RXRB: variants seen among roughly 807,000 people sequenced by gnomAD.
RXRB encodes the protein retinoid X receptor beta, also known as retinoic acid receptor RXR-beta.
In RXRB, 18 loss-of-function variants were observed where a neutral mutation model predicts 52.5. That is an observed-to-expected ratio of 0.34 (90% CI 0.24 to 0.51). The LOEUF (loss-of-function observed/expected upper bound fraction) is 0.51. Ranked by LOEUF, RXRB falls within the 20% of genes least tolerant of loss-of-function variation. The pLI, the probability that RXRB is intolerant of heterozygous loss-of-function variation, is 0.97. For missense variants in RXRB, 455 were observed against 698.2 expected, an observed-to-expected ratio of 0.65 and a Z score of 3.92; for synonymous variants, 233 against 267.1, an observed-to-expected ratio of 0.87 and a Z score of 1.25.
rs151198360 is a variant in RXRB, at chr6:33,197,739, G to C, written c.820+23C>G. The C allele has an allele frequency of 7.6e-5, 123 of 1,612,134 alleles. No homozygotes were observed. Among genetic ancestry groups the C allele is most frequent in the East Asian group, 1.6e-4 (7 of 44,872 alleles). On this transcript the variant is annotated intron_variant, in intron 4 of 9. Transcript: ENST00000374680. The surrounding 1 kb of genome is among the most constrained non-coding windows in gnomAD (Gnocchi z 4.4). ...GGGAGAAGGGCATGTGGTCTAAGACGCCTGGGCAGGGCGGGTCCTTACCCT... is the reference window on the plus strand; with the variant it reads ...GGGAGAAGGGCATGTGGTCTAAGACCCCTGGGCAGGGCGGGTCCTTACCCT...
Position 33,195,878 on chromosome 6 carries a change from A to G in RXRB, c.1123+29T>C. 6.2e-7 allele frequency: 1 copy of G among 1,611,616 alleles called. No homozygotes were observed. Among genetic ancestry groups the G allele is most frequent in the Non-Finnish European group, 8.5e-7 (1 of 1,179,792 alleles). ...GAAGTCAAAGAGGGGTCAAATGTCAAGAAGTCAAAGGGATCCAAGGTCACT... is the reference window on the plus strand; with the variant it reads ...GAAGTCAAAGAGGGGTCAAATGTCAGGAAGTCAAAGGGATCCAAGGTCACT... On this transcript the variant is annotated intron_variant, in intron 6 of 9. Coordinates refer to ENST00000374680, the MANE Select transcript of RXRB (RefSeq NM_021976.5). The surrounding 1 kb of genome is among the most constrained non-coding windows in gnomAD (Gnocchi z 8.6).
rs1380465888 is a variant in RXRB at position 33,197,206 on chromosome 6, T to A, written c.820+556A>T. Among the ~76,000 whole-genome samples the A allele has an allele frequency of 6.6e-6, 1 of 152,244 alleles. No individual in the cohort carries two copies. The highest frequency in any genetic ancestry group is 2.4e-5 in the African/African-American group (1 of 41,468). On this transcript the variant is annotated intron_variant, in intron 4 of 9. Coordinates refer to ENST00000374680, the MANE Select transcript of RXRB (RefSeq NM_021976.5). This position sits in a 1 kb window ranked among gnomAD's most constrained non-coding sequence, Gnocchi z 4.4. ...CCCAAACCTGCCTGCCACTCCTTTG[T>A]TGCATGACCTTGGGAAAGCCAAGCC...
Position 33,195,669 on chromosome 6 carries a change from T to G in RXRB, c.1157A>C (p.His386Pro). The change falls in exon 7 of 10, where the codon CAC (histidine) becomes CCC (proline). Residue 386 changes from histidine (H) to proline (P), a missense_variant. Around this residue, in one of 4 missense-constraint regions of RXRB, gnomAD observed 115 missense variants for 253.1 expected, o/e 0.45. Coordinates refer to ENST00000374680, the MANE Select transcript of RXRB (RefSeq NM_021976.5). The surrounding 1 kb of genome is among the most constrained non-coding windows in gnomAD (Gnocchi z 8.6). ...GCCATCTCGAACATCAATGGATCGG[T>G]GTGAGAAGGAGGCAATGAGGAGTTC... ...WNELLIASFS[H>P]RSIDVRDGIL... The G allele has an allele frequency of 6.2e-7, 1 of 1,612,660 alleles. No homozygotes were observed. The highest frequency in any genetic ancestry group is 8.5e-7 in the Non-Finnish European group (1 of 1,179,946).
Position 33,195,861 on chromosome 6 carries a change from A to C in RXRB, c.1123+46T>G. The C allele has an allele frequency of 6.9e-7, 1 of 1,447,150 alleles. No homozygotes were observed. Among genetic ancestry groups the C allele is most frequent in the Non-Finnish European group, 9.4e-7 (1 of 1,068,226 alleles). 89.6% of individuals were successfully genotyped at this position (1,447,150 alleles called of 1,614,324 possible). ...GGGTCACTAAAGATCGGGAAGTCAAAGAGGGGTCAAATGTCAAGAAGTCAA... is the reference window on the plus strand; with the variant it reads ...GGGTCACTAAAGATCGGGAAGTCAACGAGGGGTCAAATGTCAAGAAGTCAA... On this transcript the variant is annotated intron_variant, in intron 6 of 9. Coordinates refer to ENST00000374680, the MANE Select transcript of RXRB (RefSeq NM_021976.5). The surrounding 1 kb of genome is among the most constrained non-coding windows in gnomAD (Gnocchi z 8.6).
chr6:33,196,546 C>T lies in RXRB; in HGVS notation c.881G>A (p.Gly294Glu). 6.2e-7 allele frequency: 1 copy of T among 1,610,822 alleles called. No individual in the cohort carries two copies. Among genetic ancestry groups the T allele is most frequent in the Non-Finnish European group, 8.5e-7 (1 of 1,178,054 alleles). ...DKDGDGEGAGGAPEEMPVDRI... is the reference protein window; with the variant it reads ...DKDGDGEGAGEAPEEMPVDRI... ...GTCCACAGGCATCTCCTCGGGGGCT[C>T]CCCCAGCCCCCTCCCCATCCCCATC... is the stretch of plus-strand genomic sequence containing the variant. Residue 294 changes from glycine (G) to glutamate (E), a missense_variant, in exon 5 of 10, where the codon GGA becomes GAA. This residue lies in a region of RXRB where 100 missense variants were observed against 141.9 expected (regional missense o/e 0.70). Coordinates refer to ENST00000374680, the MANE Select transcript of RXRB (RefSeq NM_021976.5). The surrounding 1 kb of genome is among the most constrained non-coding windows in gnomAD (Gnocchi z 4.0).
In RXRB at chr6:33,200,310, C is replaced by T. The variant is rs773182095; in HGVS notation, c.167G>A (p.Gly56Glu). 5.0e-6 allele frequency: 8 copies of T among 1,593,568 alleles called. No individual in the cohort carries two copies. The Admixed American group carries it at 1.2e-4, about 24-fold the overall frequency. Reference sequence around the variant, plus strand: ...CTCCGGCTCCGGGGTTTGTTGTTCTCCGCCTGCCACCGCCGCCGCCGCCGC... The same window carrying T: ...CTCCGGCTCCGGGGTTTGTTGTTCTTCGCCTGCCACCGCCGCCGCCGCCGC... ...AAAAAAAVAGGEQQTPEPEPG... is the reference protein window; with the variant it reads ...AAAAAAAVAGEEQQTPEPEPG... Residue 56 changes from glycine to glutamate, a missense_variant, in exon 1 of 10, where the codon GGA (glycine) becomes GAA (glutamate). Gly to Glu is a moderately conservative substitution (Grantham distance 98). Coordinates refer to ENST00000374680, the MANE Select transcript of RXRB (RefSeq NM_021976.5). This position sits in a 1 kb window ranked among gnomAD's most constrained non-coding sequence, Gnocchi z 6.3.
rs781073340 is a variant in RXRB at position 33,194,681 on chromosome 6, C to T, written c.*1G>A. The T allele has an allele frequency of 1.2e-6, 2 of 1,612,436 alleles. No individual in the cohort carries two copies. Among genetic ancestry groups the T allele is most frequent in the African/African-American group, 1.3e-5 (1 of 74,942 alleles). On this transcript the variant is annotated 3_prime_UTR_variant, in exon 10 of 10. Transcript: ENST00000374680. The surrounding 1 kb of genome is among the most constrained non-coding windows in gnomAD (Gnocchi z 4.1). ...GAGAAGCACCACGTCTGGGTCTGAG[C>T]TCAGGCCAGTTGATGGGGAGCCTCA... is the stretch of plus-strand genomic sequence containing the variant.
intron 3 of RXRB, 110 bp downstream of exon 3, chr6:33,198,198 G>A: frequency 6.8e-7 from 1 of 1,478,440 alleles, no homozygotes; most frequent in South Asian, 1.1e-5. Context: ...CTCCCATCAG[G>A]CCTCCCCCAG....
In RXRB at chr6:33,200,333, C is replaced by G; in HGVS notation, c.144G>C (p.Ala48=). The G allele has an allele frequency of 6.3e-7, 1 of 1,586,488 alleles. No individual in the cohort carries two copies. Residue 48 remains alanine (A), a synonymous_variant, in exon 1 of 10, where the codon GCG becomes GCC. Coordinates refer to ENST00000374680, the MANE Select transcript of RXRB (RefSeq NM_021976.5). This position sits in a 1 kb window ranked among gnomAD's most constrained non-coding sequence, Gnocchi z 6.3. ...CTCCGCCTGCCACCGCCGCCGCCGC[C>G]GCCGCTGCGGGATCCAGCCAGGGCC... The part of the protein sequence containing the change: ...RRRPWLDPAA[A]AAAAVAGGEQ...
chr6:33,196,534 T>C lies in RXRB; in HGVS notation c.893A>G (p.Glu298Gly). The change falls in exon 5 of 10, where the codon GAG becomes GGG. Residue 298 changes from glutamate to glycine, a missense_variant. By Grantham distance (98) the Glu-to-Gly change is moderately conservative. This residue lies in a region of RXRB where 100 missense variants were observed against 141.9 expected (regional missense o/e 0.70). Transcript: ENST00000374680. The surrounding 1 kb of genome is among the most constrained non-coding windows in gnomAD (Gnocchi z 4.0). Reference protein sequence around the residue: ...DGEGAGGAPEEMPVDRILEAE... With the variant: ...DGEGAGGAPEGMPVDRILEAE... Reference sequence around the variant, plus strand: ...CTCCAGGATCCTGTCCACAGGCATCTCCTCGGGGGCTCCCCCAGCCCCCTC... The same window carrying C: ...CTCCAGGATCCTGTCCACAGGCATCCCCTCGGGGGCTCCCCCAGCCCCCTC... 6.2e-7 allele frequency: 1 copy of C among 1,612,916 alleles called. No individual in the cohort carries two copies. Among genetic ancestry groups the C allele is most frequent in the Non-Finnish European group, 8.5e-7 (1 of 1,179,900 alleles).
At position 33,196,662 on chromosome 6, in the gene RXRB, G is replaced by A. The variant is rs1408169304; in HGVS notation, c.821-56C>T. The A allele has an allele frequency of 1.4e-6, 2 of 1,462,920 alleles. No homozygotes were observed. The highest frequency in any genetic ancestry group is 1.9e-6 in the Non-Finnish European group (2 of 1,074,646). 90.6% of individuals were successfully genotyped at this position (1,462,920 alleles called of 1,614,324 possible). A position where few individuals can be genotyped will look rare whatever the true frequency, so the allele number is the denominator to read the frequency against. ...AAAGTCAGCAGCCAGCCATGAAGGGGTTCCACAAATATCCTTACGGCCTCA... is the reference window on the plus strand; with the variant it reads ...AAAGTCAGCAGCCAGCCATGAAGGGATTCCACAAATATCCTTACGGCCTCA... On this transcript the variant is annotated intron_variant, in intron 4 of 9. Coordinates refer to ENST00000374680, the MANE Select transcript of RXRB (RefSeq NM_021976.5). The surrounding 1 kb of genome is among the most constrained non-coding windows in gnomAD (Gnocchi z 4.0).
intron 1 of RXRB, chr6:33,199,747 A>G (rs1672430735): frequency 2.4e-6 from 1 of 423,052 alleles, no homozygotes; most frequent in South Asian, 2.1e-5. Context: ...GGGAGTTGAC[A>G]AGGAGAGGAG....
At chr6:33,198,054 CAG>C (rs1774055348) in intron 3 of RXRB, 113 bp from the exon 4 acceptor site, 2 of 1,211,588 alleles carry the variant, frequency 1.7e-6, no homozygotes, top group South Asian at 1.4e-5. Flanking sequence ...TTGCCAAATA[CAG>C]AGATAGGGAA....
rs758490966 is a variant in RXRB at position 33,196,310 on chromosome 6, C to T, written c.993+124G>A. On this transcript the variant is annotated intron_variant, in intron 5 of 9. Coordinates refer to ENST00000374680, the MANE Select transcript of RXRB (RefSeq NM_021976.5). This position sits in a 1 kb window ranked among gnomAD's most constrained non-coding sequence, Gnocchi z 4.0. ...TTTGAAAGACCTTGTTTGGCAGCACCTCCAGTCCCAAGTAGTGTTAGGAAG... is the reference window on the plus strand; with the variant it reads ...TTTGAAAGACCTTGTTTGGCAGCACTTCCAGTCCCAAGTAGTGTTAGGAAG... 2 of 1,118,978 alleles carry T rather than the reference C, an allele frequency of 1.8e-6. No individual in the cohort carries two copies. Among genetic ancestry groups the T allele is most frequent in the South Asian group, 1.2e-5 (1 of 81,236 alleles). 69.3% of individuals were successfully genotyped at this position (1,118,978 alleles called of 1,614,324 possible). A position where few individuals can be genotyped will look rare whatever the true frequency, so the allele number is the denominator to read the frequency against.
At position 33,200,647 on chromosome 6, in the gene RXRB, C is replaced by T; in HGVS notation, c.-171G>A. The T allele has an allele frequency of 1.3e-6, 2 of 1,521,308 alleles. No homozygotes were observed. Among genetic ancestry groups the T allele is most frequent in the South Asian group, 2.5e-5 (2 of 80,034 alleles). The allele number at this position is 1,521,308 out of a possible 1,614,324, so 94.2% of individuals were successfully genotyped here. On this transcript the variant is annotated 5_prime_UTR_variant, in exon 1 of 10. Coordinates refer to ENST00000374680, the MANE Select transcript of RXRB (RefSeq NM_021976.5). The surrounding 1 kb of genome is among the most constrained non-coding windows in gnomAD (Gnocchi z 6.3). ...CAAAATGACAGCGCCAATGTGGCAG[C>T]CATCTTTGTACAGACGGGAAGTCTC...
chr6:33,194,467 C>T lies in RXRB; in HGVS notation c.*215G>A, dbSNP rs938910945. ...GACAAATTCAGAGACTCAAGGCCAC[C>T]GAAGAGAGACAACCAGTCCTCACAG... On this transcript the variant is annotated 3_prime_UTR_variant, in exon 10 of 10. Coordinates refer to ENST00000374680, the MANE Select transcript of RXRB (RefSeq NM_021976.5). This position sits in a 1 kb window ranked among gnomAD's most constrained non-coding sequence, Gnocchi z 4.1. 1.3e-5 allele frequency: 7 copies of T among 531,014 alleles called. No individual in the cohort carries two copies. Among genetic ancestry groups the T allele is most frequent in the South Asian group, 3.1e-5 (1 of 32,172 alleles). 32.9% of individuals were successfully genotyped at this position (531,014 alleles called of 1,614,324 possible).
intron 2 of RXRB, 118 bp downstream of exon 2, chr6:33,199,051 C>T: frequency 3.0e-6 from 2 of 673,112 alleles, no homozygotes; most frequent in African/African-American, 3.8e-5. Context: ...ACAGGCCTGA[C>T]AAGGTTAGAG....
At chr6:33,199,869 C>A in intron 1 of RXRB, 1 of 622,576 alleles carries the variant, frequency 1.6e-6, no homozygotes, top group Non-Finnish European at 3.1e-6. Context: ...GACCATCGAG[C>A]CCCTCTATTC....
In RXRB at chr6:33,194,819, G is replaced by A. The variant is rs1773766945; in HGVS notation, c.1465C>T (p.Leu489=). ...CGGAGGGCAGGAAGACGTAGCAGCA[G>A]CTTGGCAAACCTGGGGTGGAGGTGG... ...YPEQQGRFAK[L]LLRLPALRSI... Residue 489 remains leucine (L), a synonymous_variant, in exon 10 of 10, where the codon CTG becomes TTG. Transcript: ENST00000374680. The surrounding 1 kb of genome is among the most constrained non-coding windows in gnomAD (Gnocchi z 4.1). The A allele has an allele frequency of 2.5e-6, 4 of 1,612,890 alleles. No homozygotes were observed. In the Admixed American group the frequency reaches 5.0e-5, roughly 20 times the overall value.
Sources: allele counts gnomAD v4.1 joint callset (sites outside exome capture counted in the v4.1 genomes callset), GRCh38; gene constraint gnomAD v4.1.1; regional missense constraint gnomAD v4.1.1; non-coding constraint Gnocchi (gnomAD v3.1); transcripts MANE v1.5; gene names NCBI Gene and HGNC (gene_info 2026-07-23, HGNC 2026-07-21).